UVRAG: variants seen among roughly 807,000 people sequenced by gnomAD.
UVRAG encodes UV radiation resistance associated.
In UVRAG, 19 loss-of-function variants were observed where a neutral mutation model predicts 78.0. That is an observed-to-expected ratio of 0.24 (90% confidence interval 0.17 to 0.36). The LOEUF is 0.36. Among genes scored for constraint, UVRAG ranks in the 10% least tolerant of loss-of-function variants. The probability of loss-of-function intolerance (pLI) is 1.00; values close to 1 mark genes in which losing one functional copy is unlikely to be tolerated. For missense variants in UVRAG, 740 were observed against 853.8 expected, an observed-to-expected ratio of 0.87 and a Z score of 1.66; for synonymous variants, 323 against 324.6, an observed-to-expected ratio of 1.00 and a Z score of 0.05.
intron 8 of UVRAG, among the ~76,000 whole-genome samples, chr11:75,996,874 T>A (rs1949717741): frequency 6.6e-6 from 1 of 152,306 alleles, no homozygotes; most frequent in East Asian, 1.9e-4. Context: ...TCTTAAGAAC[T>A]AATATTAGCT....
chr11:76,094,767 A>G (rs1230752350), intron 13 of UVRAG, among the ~76,000 whole-genome samples: 4 of 151,166 alleles, frequency 2.6e-5, no homozygotes, highest in Non-Finnish European at 5.9e-5. Flanking sequence ...TTTATTGTAT[A>G]TTTGTTTTTA....
intron 14 of UVRAG, among the ~76,000 whole-genome samples, chr11:76,124,747 C>A (rs1952354895): frequency 1.3e-5 from 2 of 152,182 alleles, no homozygotes; most frequent in South Asian, 4.1e-4. Context: ...CTTCTGCTGA[C>A]CTATTTCTAA....
chr11:76,122,839 A>C (rs1316778756), intron 14 of UVRAG, among the ~76,000 whole-genome samples: 1 of 152,210 alleles, frequency 6.6e-6, no homozygotes, highest in African/African-American at 2.4e-5. Context: ...CTGCCTTCTT[A>C]GGTAACTCTC....
At chr11:76,090,901 TTC>T (rs1951684963) in intron 13 of UVRAG, among the ~76,000 whole-genome samples, 1 of 152,208 alleles carries the variant, frequency 6.6e-6, no homozygotes, top group South Asian at 2.1e-4. Flanking sequence ...TCATATTGTT[TTC>T]TATGGCTTTA....
intron 3 of UVRAG, among the ~76,000 whole-genome samples, chr11:75,879,486 T>C (rs1946890252): frequency 6.6e-6 from 1 of 152,228 alleles, no homozygotes; most frequent in Admixed American, 6.5e-5. Context: ...AATTCTGTTA[T>C]TGAACTTTGC....
At position 76,004,592 on chromosome 11, in the gene UVRAG, G is replaced by A. The variant is rs555709582; in HGVS notation, c.911+503G>A. 3.6e-5 allele frequency among the ~76,000 whole-genome samples: 5 copies of A among 138,344 alleles called. No individual in the cohort carries two copies. In the South Asian group the frequency reaches 1.2e-3, roughly 34 times the overall value. The allele number at this position is 138,344 out of a possible 152,430, so 90.8% of individuals were successfully genotyped here. A position where few individuals can be genotyped will look rare whatever the true frequency, so the allele number is the denominator to read the frequency against. Reference sequence around the variant, plus strand: ...TTATTTTTTATCTTCTTTTTTTAATGTGGAGAAACATTTCATTCATTCATT... The same window carrying A: ...TTATTTTTTATCTTCTTTTTTTAATATGGAGAAACATTTCATTCATTCATT... On this transcript the variant is annotated intron_variant, in intron 9 of 14. Coordinates refer to ENST00000356136, the MANE Select transcript of UVRAG (RefSeq NM_003369.4).
intron 13 of UVRAG, among the ~76,000 whole-genome samples, chr11:76,093,938 G>T (rs1039447567): frequency 1.3e-5 from 2 of 152,190 alleles, no homozygotes; most frequent in East Asian, 3.8e-4. Context: ...TCTTGTGCCA[G>T]TTTTCAAAGA....
chr11:76,029,254 A>C (rs1189864170), intron 12 of UVRAG, among the ~76,000 whole-genome samples: 1 of 152,204 alleles, frequency 6.6e-6, no homozygotes, highest in Non-Finnish European at 1.5e-5. Context: ...CATTGAAAAC[A>C]CACCTGGTTA....
At chr11:75,882,961 G>A (rs1323169738) in intron 4 of UVRAG, among the ~76,000 whole-genome samples, 2 of 151,924 alleles carry the variant, frequency 1.3e-5, no homozygotes, top group South Asian at 2.1e-4. Flanking sequence ...ATGACTTTTG[G>A]TTTAGGCCAG....
chr11:75,901,477 A>G lies in UVRAG; in HGVS notation c.508-10477A>G, dbSNP rs1029084020. Among the ~76,000 whole-genome samples, 3 of 152,286 alleles carry G rather than the reference A, an allele frequency of 2.0e-5. No homozygotes were observed. The South Asian group carries it at 6.2e-4, about 32-fold the overall frequency. Reference sequence around the variant, plus strand: ...AAATTTGCCTGGATGTTTCAGAGATACATATGCTCTCCATAGCCCAAACTG... The same window carrying G: ...AAATTTGCCTGGATGTTTCAGAGATGCATATGCTCTCCATAGCCCAAACTG... On this transcript the variant is annotated intron_variant, in intron 5 of 14. Transcript: ENST00000356136.
At chr11:75,835,126 G>A (rs1185255584) in intron 1 of UVRAG, 1 of 152,196 alleles carries the variant, frequency 6.6e-6, no homozygotes, top group South Asian at 2.1e-4. Flanking sequence ...TATATACTGT[G>A]CCTTTTGAAT....
At chr11:75,817,367 T>G (rs1945281619) in intron 1 of UVRAG, among the ~76,000 whole-genome samples, 1 of 152,308 alleles carries the variant, frequency 6.6e-6, no homozygotes, top group Non-Finnish European at 1.5e-5. Flanking sequence ...CTGGGAAAAC[T>G]AATGCAAACA....
chr11:75,929,552 T>G (rs1948188073), intron 6 of UVRAG, among the ~76,000 whole-genome samples: 1 of 152,222 alleles, frequency 6.6e-6, no homozygotes, highest in Non-Finnish European at 1.5e-5. Flanking sequence ...AATCTTGGCC[T>G]CAGCGTGCTC....
At chr11:75,972,956 A>G (rs530282015) in intron 7 of UVRAG, among the ~76,000 whole-genome samples, 10 of 152,166 alleles carry the variant, frequency 6.6e-5, no homozygotes, top group Middle Eastern at 3.4e-3. Flanking sequence ...TGGATTTTCT[A>G]TATGGAAACA....
chr11:76,025,360 A>G (rs1950309552), intron 12 of UVRAG, among the ~76,000 whole-genome samples: 1 of 152,188 alleles, frequency 6.6e-6, no homozygotes. Flanking sequence ...TTCAGAATGG[A>G]TTAGTGAAAC....
intron 1 of UVRAG, among the ~76,000 whole-genome samples, chr11:75,828,807 T>TATA: frequency 3.8e-5 from 5 of 131,976 alleles, no homozygotes; most frequent in Non-Finnish European, 8.0e-5. Flanking sequence ...ATATATATAT[T>TATA]TTTTTTTTTT....
chr11:75,968,825 T>C (rs1333121200), intron 7 of UVRAG, among the ~76,000 whole-genome samples: 1 of 152,194 alleles, frequency 6.6e-6, no homozygotes, highest in Non-Finnish European at 1.5e-5. Context: ...TGGGAAAAGA[T>C]TGCTTCCTAA....
chr11:76,128,201 G>A (rs1445215938), intron 14 of UVRAG, among the ~76,000 whole-genome samples: 2 of 152,166 alleles, frequency 1.3e-5, no homozygotes, highest in South Asian at 2.1e-4. Context: ...CCTGAGCTCC[G>A]CCTCCTGTCA....
intron 13 of UVRAG, among the ~76,000 whole-genome samples, chr11:76,115,627 C>T (rs1952164030): frequency 1.3e-5 from 2 of 152,156 alleles, no homozygotes. Flanking sequence ...TTGAAATATC[C>T]TCATTCCACA....
Sources: allele counts gnomAD v4.1 joint callset (sites outside exome capture counted in the v4.1 genomes callset), GRCh38; gene constraint gnomAD v4.1.1; transcripts MANE v1.5; gene names NCBI Gene and HGNC (gene_info 2026-07-23, HGNC 2026-07-21).